CASP10: variants seen among roughly 807,000 people sequenced by gnomAD.
CASP10 encodes the protein caspase 10, also known as caspase-10.
In CASP10, 41 loss-of-function variants were observed where a neutral mutation model predicts 48.5. That is an observed-to-expected ratio of 0.85 (90% CI 0.66 to 1.10). The LOEUF (loss-of-function observed/expected upper bound fraction) is 1.10, where lower values mean the gene tolerates loss of function less well. Ranked by LOEUF, CASP10 falls within the 50% of genes least tolerant of loss-of-function variation. The pLI is 0.00. For synonymous variants in CASP10, 232 were observed against 238.4 expected (o/e 0.97, Z 0.25); for missense variants, 614 against 614.5 (o/e 1.00, Z 0.01).
At position 201,218,990 on chromosome 2, in the gene CASP10, C is replaced by A; in HGVS notation, c.*1249C>A. 1 of 985,372 alleles carries A rather than the reference C, an allele frequency of 1.0e-6. No individual in the cohort carries two copies. Among genetic ancestry groups the A allele is most frequent in the Non-Finnish European group, 1.2e-6 (1 of 829,902 alleles). The allele number at this position is 985,372 out of a possible 1,614,324, so 61.0% of individuals were successfully genotyped here. ...ACCTGATGTCATATTCCATTTTGGA[C>A]TGGGTGCGGTGACTCATGCCTGTAA... On this transcript the variant is annotated 3_prime_UTR_variant, in exon 10 of 10. Coordinates refer to ENST00000286186, the MANE Select transcript of CASP10 (RefSeq NM_032977.4).
chr2:201,185,409 C>T (rs536118712), intron 1 of CASP10, among the ~76,000 whole-genome samples: 3 of 152,216 alleles, frequency 2.0e-5, no homozygotes, highest in East Asian at 1.9e-4. Context: ...ATTTCTGCCA[C>T]GTGCTGGAAA....
chr2:201,183,521 G>A (rs934742838), intron 1 of CASP10, among the ~76,000 whole-genome samples: 6 of 152,144 alleles, frequency 3.9e-5, no homozygotes, highest in Non-Finnish European at 7.4e-5. Context: ...TTAGCTCACA[G>A]AGACAAAGTT....
intron 7 of CASP10, among the ~76,000 whole-genome samples, chr2:201,207,019 C>A (rs755602544): frequency 6.6e-6 from 1 of 152,118 alleles, no homozygotes; most frequent in Admixed American, 6.5e-5. Context: ...GAATTTTAAT[C>A]AGGATCTGGC....
Position 201,221,592 on chromosome 2 carries a change from C to G in CASP10, c.*3851C>G, listed in dbSNP as rs1016275437. The G allele has an allele frequency of 6.6e-6, 1 of 152,206 alleles. No individual in the cohort carries two copies. The highest frequency in any genetic ancestry group is 1.5e-5 in the Non-Finnish European group (1 of 68,090). 9.4% of individuals were successfully genotyped at this position (152,206 alleles called of 1,614,324 possible). A position where few individuals can be genotyped will look rare whatever the true frequency, so the allele number is the denominator to read the frequency against. On this transcript the variant is annotated 3_prime_UTR_variant, in exon 10 of 10. Coordinates refer to ENST00000286186, the MANE Select transcript of CASP10 (RefSeq NM_032977.4). ...CTATAAAACGGCCCCACCCCTATCT[C>G]CCTTCACTGACTTTCTTTTCGGACT... is the stretch of plus-strand genomic sequence containing the variant.
chr2:201,211,491 T>A (rs1381635452), intron 9 of CASP10, among the ~76,000 whole-genome samples: 1 of 152,194 alleles, frequency 6.6e-6, no homozygotes, highest in Non-Finnish European at 1.5e-5. Flanking sequence ...ACAAGCAGAT[T>A]TTTTCTGTGT....
chr2:201,197,145 A>T (rs919229554), intron 5 of CASP10, among the ~76,000 whole-genome samples: 12 of 152,064 alleles, frequency 7.9e-5, no homozygotes, highest in African/African-American at 1.9e-4. Context: ...ATTTTTATTT[A>T]AAATTTTTTT....
rs1945638724 is a variant in CASP10 at position 201,218,383 on chromosome 2, G to T, written c.*642G>T. 2 of 933,890 alleles carry T rather than the reference G, an allele frequency of 2.1e-6. No individual in the cohort carries two copies. Among genetic ancestry groups the T allele is most frequent in the African/African-American group, 3.6e-5 (2 of 56,152 alleles). 57.9% of individuals were successfully genotyped at this position (933,890 alleles called of 1,614,324 possible). A position where few individuals can be genotyped will look rare whatever the true frequency, so the allele number is the denominator to read the frequency against. Reference sequence around the variant, plus strand: ...AGTGGTGGGATCACTGTTCACTGCAGCCTTGACCTCCCAGGTTCAAGCGAT... The same window carrying T: ...AGTGGTGGGATCACTGTTCACTGCATCCTTGACCTCCCAGGTTCAAGCGAT... On this transcript the variant is annotated 3_prime_UTR_variant, in exon 10 of 10. Transcript: ENST00000286186.
intron 9 of CASP10, among the ~76,000 whole-genome samples, chr2:201,211,743 G>A (rs1945401957): frequency 6.6e-6 from 1 of 152,090 alleles, no homozygotes; most frequent in African/African-American, 2.4e-5. Flanking sequence ...TTAGTATGGG[G>A]ATTGCTGGAT....
intron 9 of CASP10, among the ~76,000 whole-genome samples, chr2:201,227,753 G>T (rs1288066028): frequency 2.1e-4 from 32 of 151,722 alleles, no homozygotes; most frequent in Admixed American, 2.0e-4. Flanking sequence ...TAGAGACAGG[G>T]TTTCACTGTG....
intron 9 of CASP10, among the ~76,000 whole-genome samples, chr2:201,211,811 G>T (rs1237068709): frequency 2.0e-5 from 3 of 151,900 alleles, no homozygotes; most frequent in Non-Finnish European, 4.4e-5. Flanking sequence ...TTCCATAATG[G>T]CTGTACTAAT....
chr2:201,220,952 T>C lies in CASP10; in HGVS notation c.*3211T>C. On this transcript the variant is annotated 3_prime_UTR_variant, in exon 10 of 10. Coordinates refer to ENST00000286186, the MANE Select transcript of CASP10 (RefSeq NM_032977.4). ...CTCAGAGACACTAACTAAATCAAGC[T>C]AGCTTTTTTCAGCCTTGTCTGTAAA... is the stretch of plus-strand genomic sequence containing the variant. 2 of 985,438 alleles carry C rather than the reference T, an allele frequency of 2.0e-6. No individual in the cohort carries two copies. Among genetic ancestry groups the C allele is most frequent in the South Asian group, 9.4e-5 (2 of 21,284 alleles). The allele number at this position is 985,438 out of a possible 1,614,324, so 61.0% of individuals were successfully genotyped here.
At chr2:201,214,696 A>G (rs772497459) in intron 9 of CASP10, 2 of 152,172 alleles carry the variant, frequency 1.3e-5, no homozygotes, top group Non-Finnish European at 2.9e-5. Context: ...AGTCTAAGCC[A>G]TATATGTTGG....
At chr2:201,217,212 A>C (rs1431326265) in intron 9 of CASP10, among the ~76,000 whole-genome samples, 1 of 152,088 alleles carries the variant, frequency 6.6e-6, no homozygotes, top group Non-Finnish European at 1.5e-5. Flanking sequence ...GACCTGGTAC[A>C]TGGTACCTGG....
chr2:201,226,355 A>T (rs1273679430), downstream of CASP10, among the ~76,000 whole-genome samples: 3 of 152,234 alleles, frequency 2.0e-5, no homozygotes, highest in Non-Finnish European at 4.4e-5. Flanking sequence ...TATTACATCG[A>T]TCTAGGAAAT....
intron 9 of CASP10, among the ~76,000 whole-genome samples, chr2:201,216,725 G>T (rs531984977): frequency 1.3e-5 from 2 of 152,082 alleles, no homozygotes; most frequent in Admixed American, 6.6e-5. Context: ...GACTGTTATG[G>T]TTCCTATTTT....
chr2:201,200,681 T>G, intron 5 of CASP10: 1 of 1,378,856 alleles, frequency 7.3e-7, no homozygotes, highest in Non-Finnish European at 9.4e-7. Context: ...TTGTAAGTGA[T>G]CTTAAGAGAT....
At chr2:201,224,003 G>A (rs973323705), downstream of CASP10, among the ~76,000 whole-genome samples, 6 of 146,162 alleles carry the variant, frequency 4.1e-5, no homozygotes, top group African/African-American at 1.5e-4. Context: ...ACGGAGTCTT[G>A]CTATGTTGCC....
Position 201,220,870 on chromosome 2 carries a change from A to G in CASP10, c.*3129A>G. The G allele has an allele frequency of 4.1e-6, 4 of 985,498 alleles. No homozygotes were observed. The highest frequency in any genetic ancestry group is 9.4e-5 in the South Asian group (2 of 21,290). 61.0% of individuals were successfully genotyped at this position (985,498 alleles called of 1,614,324 possible). On this transcript the variant is annotated 3_prime_UTR_variant, in exon 10 of 10. Coordinates refer to ENST00000286186, the MANE Select transcript of CASP10 (RefSeq NM_032977.4). ...TGAAGGATGGTGAGATACTGAGGAA[A>G]GAGCAAAGGATCTGGAGATCAAAGC...
chr2:201,214,285 G>A (rs1945498411), intron 9 of CASP10: 1 of 152,156 alleles, frequency 6.6e-6, no homozygotes. Flanking sequence ...ATAGGGATAA[G>A]TGTAGCTTCA....
Sources: allele counts gnomAD v4.1 joint callset (sites outside exome capture counted in the v4.1 genomes callset), GRCh38; gene constraint gnomAD v4.1.1; transcripts MANE v1.5; gene names NCBI Gene and HGNC (gene_info 2026-07-23, HGNC 2026-07-21).